Variants in PKNOX2 observed in about 807,000 individuals in gnomAD.
PKNOX2 encodes the protein homeobox protein PKNOX2.
PKNOX2 carries 14 observed loss-of-function variants against 53.1 expected under a neutral mutation model. That is an observed-to-expected ratio of 0.26 (90% CI 0.17 to 0.41). The LOEUF (loss-of-function observed/expected upper bound fraction) is 0.41, where lower values mean the gene tolerates loss of function less well. PKNOX2 is among the 10% of genes least tolerant of loss of function. The probability of loss-of-function intolerance (pLI) is 1.00; values close to 1 mark genes in which losing one functional copy is unlikely to be tolerated. For missense variants in PKNOX2, 496 were observed against 602.8 expected (o/e 0.82, Z 1.85); for synonymous variants, 257 against 242.8 (o/e 1.06, Z -0.54).
intron 1 of PKNOX2, among the ~76,000 whole-genome samples, chr11:125,177,645 G>T (rs866586402): frequency 6.6e-6 from 1 of 152,204 alleles, no homozygotes; most frequent in East Asian, 1.9e-4. Context: ...ATATTCATGA[G>T]TTCCTTTCCC....
intron 2 of PKNOX2, among the ~76,000 whole-genome samples, chr11:125,279,093 T>C (rs940176891): frequency 7.3e-4 from 111 of 152,348 alleles, no homozygotes; most frequent in Admixed American, 7.2e-3. Flanking sequence ...ACCAGAGAGC[T>C]TAGATTCCGT....
chr11:125,396,881 G>T (rs1033269384), intron 6 of PKNOX2, among the ~76,000 whole-genome samples: 2 of 152,108 alleles, frequency 1.3e-5, no homozygotes, highest in African/African-American at 4.8e-5. Context: ...AACAATTCTG[G>T]CACTTAGAAA....
At chr11:125,257,459 C>T (rs1304907600) in intron 2 of PKNOX2, among the ~76,000 whole-genome samples, 2 of 152,202 alleles carry the variant, frequency 1.3e-5, no homozygotes, top group Non-Finnish European at 2.9e-5. Flanking sequence ...TGCAGGATCC[C>T]AGTAGGATAC....
At chr11:125,264,462 T>A (rs1945145889) in intron 2 of PKNOX2, among the ~76,000 whole-genome samples, 1 of 152,090 alleles carries the variant, frequency 6.6e-6, no homozygotes, top group Non-Finnish European at 1.5e-5. Context: ...TCAGGGATAG[T>A]GTCTCTTTAG....
At position 125,322,833 on chromosome 11, in the gene PKNOX2, C is replaced by G. The variant is rs924747044; in HGVS notation, c.-129-8986C>G. The stretch of plus-strand genomic sequence containing the variant: ...CCGAGACAGTTAAGTCTCAGTTTTG[C>G]TTATTCTGTCTGTAAAATGGGTATA... On this transcript the variant is annotated intron_variant, in intron 2 of 12. Coordinates refer to ENST00000298282, the MANE Select transcript of PKNOX2 (RefSeq NM_001382323.2). 4.6e-5 allele frequency among the ~76,000 whole-genome samples: 7 copies of G among 152,174 alleles called. No individual in the cohort carries two copies. The South Asian group carries it at 6.2e-4, about 14-fold the overall frequency.
chr11:125,193,890 A>C (rs1330630065), intron 1 of PKNOX2, among the ~76,000 whole-genome samples: 1 of 152,178 alleles, frequency 6.6e-6, no homozygotes. Context: ...TCCAAGCCTC[A>C]GTTTCCCCAT....
intron 6 of PKNOX2, among the ~76,000 whole-genome samples, chr11:125,390,652 T>A (rs1330750423): frequency 6.6e-6 from 1 of 152,194 alleles, no homozygotes; most frequent in Non-Finnish European, 1.5e-5. Context: ...TTATCCCCAT[T>A]TGACAGAGGA....
chr11:125,411,995 A>G, intron 10 of PKNOX2, 130 bp downstream of exon 10: 3 of 1,434,818 alleles, frequency 2.1e-6, no homozygotes, highest in Non-Finnish European at 2.9e-6. Context: ...GAGCTCTCTG[A>G]TAGGAATGAC....
At chr11:125,256,101 G>C (rs914105471) in intron 2 of PKNOX2, among the ~76,000 whole-genome samples, 3 of 152,034 alleles carry the variant, frequency 2.0e-5, no homozygotes, top group Non-Finnish European at 1.5e-5. Flanking sequence ...GGTGGGGATG[G>C]ACTCCAGGCT....
intron 2 of PKNOX2, among the ~76,000 whole-genome samples, chr11:125,315,303 G>GAAAAAAAAAAA (rs534448203): frequency 1.3e-5 from 1 of 79,456 alleles, no homozygotes; most frequent in South Asian, 5.0e-4. Context: ...TGTGAAGCAG[G>GAAAAAAAAAAA]AAAAAAAAAA....
At chr11:125,242,228 C>T (rs972809796) in intron 2 of PKNOX2, among the ~76,000 whole-genome samples, 3 of 152,134 alleles carry the variant, frequency 2.0e-5, no homozygotes, top group Non-Finnish European at 4.4e-5. Context: ...CTGAGGCTGG[C>T]CTGTTGTCAT....
chr11:125,200,556 A>T (rs1056523035), intron 1 of PKNOX2, among the ~76,000 whole-genome samples: 4 of 152,048 alleles, frequency 2.6e-5, no homozygotes, highest in Admixed American at 6.6e-5. Context: ...AGTCTCTGCC[A>T]CCGCTTGCCT....
At chr11:125,372,360 G>A (rs190423850) in intron 5 of PKNOX2, among the ~76,000 whole-genome samples, 11 of 150,238 alleles carry the variant, frequency 7.3e-5, no homozygotes, top group African/African-American at 2.4e-4. Context: ...GGTTCCAGGC[G>A]CACAGTCTCT....
intron 1 of PKNOX2, among the ~76,000 whole-genome samples, chr11:125,201,895 C>T (rs773736327): frequency 5.3e-5 from 8 of 152,148 alleles, no homozygotes; most frequent in Non-Finnish European, 1.0e-4. Flanking sequence ...AATGTGGGCT[C>T]GGCTGGGAGG....
intron 4 of PKNOX2, among the ~76,000 whole-genome samples, chr11:125,359,375 C>G (rs1461397941): frequency 1.3e-5 from 2 of 152,156 alleles, no homozygotes; most frequent in Non-Finnish European, 2.9e-5. Context: ...CTCATCAAAA[C>G]AGACTCTTCT....
intron 3 of PKNOX2, among the ~76,000 whole-genome samples, chr11:125,350,022 G>A (rs1176291316): frequency 6.6e-6 from 1 of 152,136 alleles, no homozygotes; most frequent in Non-Finnish European, 1.5e-5. Flanking sequence ...AGGGAGAGGG[G>A]ACGGAGGGTG....
Position 125,354,547 on chromosome 11 carries a change from G to A in PKNOX2, c.87+3155G>A, listed in dbSNP as rs12289332. On this transcript the variant is annotated intron_variant, in intron 4 of 12. Coordinates refer to ENST00000298282, the MANE Select transcript of PKNOX2 (RefSeq NM_001382323.2). ...CCCTTCCTCTGAGACCCATGCGATC[G>A]TTTTAATAATGTTCCCGTTGTGCTA... is the stretch of plus-strand genomic sequence containing the variant. 6.6e-3 allele frequency among the ~76,000 whole-genome samples: 1,006 copies of A among 152,266 alleles called. 14 individuals are homozygous for A. Among genetic ancestry groups the A allele is most frequent in the African/African-American group, 0.023 (966 of 41,552 alleles).
chr11:125,348,161 C>G (rs1280932787), intron 3 of PKNOX2, among the ~76,000 whole-genome samples: 2 of 152,192 alleles, frequency 1.3e-5, no homozygotes, highest in African/African-American at 4.8e-5. Context: ...AAGTCCCAGC[C>G]AAGTCACAGA....
chr11:125,200,044 T>A (rs1938257154), intron 1 of PKNOX2, among the ~76,000 whole-genome samples: 1 of 152,148 alleles, frequency 6.6e-6, no homozygotes, highest in African/African-American at 2.4e-5. Flanking sequence ...CACTTTCCCA[T>A]CTATAGACAG....
Sources: gnomAD v4.1 joint callset for allele counts (sites outside exome capture counted in the v4.1 genomes callset) on GRCh38, gnomAD v4.1.1 for gene constraint, MANE v1.5 for transcripts, NCBI Gene and HGNC (gene_info 2026-07-23, HGNC 2026-07-21) for gene names.